Variants in HGF observed in about 807,000 individuals in gnomAD.
HGF encodes hepatocyte growth factor.
A neutral mutation model predicts 111.6 loss-of-function variants in HGF; 39 were observed. That is an observed-to-expected ratio of 0.35 (90% CI 0.27 to 0.46). The LOEUF is 0.46. Ranked by LOEUF, HGF falls within the 20% of genes least tolerant of loss-of-function variation. The probability of loss-of-function intolerance (pLI) is 1.00; values close to 1 mark genes in which losing one functional copy is unlikely to be tolerated. For synonymous variants in HGF, 285 were observed against 294.8 expected (o/e 0.97, Z 0.34); for missense variants, 735 against 910.5 (o/e 0.81, Z 2.48).
At chr7:81,733,253 C>A (rs989811563) in intron 7 of HGF, among the ~76,000 whole-genome samples, 3 of 151,512 alleles carry the variant, frequency 2.0e-5, no homozygotes, top group Non-Finnish European at 4.4e-5. Flanking sequence ...GAAAATAAAA[C>A]CTTTTCAAAT....
At chr7:81,741,487 G>T (rs1016236999) in intron 7 of HGF, among the ~76,000 whole-genome samples, 1 of 151,746 alleles carries the variant, frequency 6.6e-6, no homozygotes, top group Non-Finnish European at 1.5e-5. Flanking sequence ...CTAAAGATTG[G>T]TTTGGAACTG....
At chr7:81,720,951 A>C in intron 9 of HGF, 104 bp from the exon 10 acceptor site, 1 of 724,660 alleles carries the variant, frequency 1.4e-6, no homozygotes, top group South Asian at 1.5e-5. Context: ...ATAAAAATTA[A>C]AGTACTTGAA....
intron 1 of HGF, among the ~76,000 whole-genome samples, chr7:81,764,687 G>A (rs1003214884): frequency 2.0e-5 from 3 of 151,850 alleles, no homozygotes; most frequent in Non-Finnish European, 1.5e-5. Flanking sequence ...TTATAAATAC[G>A]CAAAGTTTTA....
intron 1 of HGF, among the ~76,000 whole-genome samples, chr7:81,764,980 G>T (rs1789287306): frequency 6.6e-6 from 1 of 151,822 alleles, no homozygotes; most frequent in African/African-American, 2.4e-5. Flanking sequence ...AAAAATCTAT[G>T]AAACAACTAT....
At chr7:81,744,894 C>A in intron 6 of HGF, 106 bp downstream of exon 6, 1 of 1,230,566 alleles carries the variant, frequency 8.1e-7, no homozygotes, top group Non-Finnish European at 1.2e-6. Context: ...ATGTTCATGT[C>A]CTATCGGGAA....
chr7:81,752,340 T>G lies in HGF; in HGVS notation c.483-78A>C, dbSNP rs979691. 3,662 of 1,193,894 alleles carry G rather than the reference T, an allele frequency of 3.1e-3. 50 individuals carry two copies. Among genetic ancestry groups the G allele is most frequent in the South Asian group, 0.023 (1,891 of 81,228 alleles). The allele number at this position is 1,193,894 out of a possible 1,614,324, so 74.0% of individuals were successfully genotyped here. ...CCTATTAATTTTACTAATTAGTGGG[T>G]ATGTTTTTGCTGAAGGTAGAAAAAT... is the stretch of plus-strand genomic sequence containing the variant. On this transcript the variant is annotated intron_variant, in intron 4 of 17. Transcript: ENST00000222390.
At chr7:81,762,595 A>T in intron 2 of HGF, 112 bp downstream of exon 2, 1 of 880,368 alleles carries the variant, frequency 1.1e-6, no homozygotes. Context: ...CTAGAGTCAA[A>T]CTTACAATTT....
intron 9 of HGF, among the ~76,000 whole-genome samples, chr7:81,725,114 G>A (rs1789971190): frequency 6.6e-6 from 1 of 152,188 alleles, no homozygotes; most frequent in South Asian, 2.1e-4. Context: ...CCGAAATGCA[G>A]CCAGAGTGAT....
At chr7:81,762,452 C>T (rs991505248) in intron 2 of HGF, among the ~76,000 whole-genome samples, 1 of 152,104 alleles carries the variant, frequency 6.6e-6, no homozygotes, top group East Asian at 1.9e-4. Flanking sequence ...TTCAATTGCT[C>T]ATCAGATGAG....
chr7:81,706,743 G>A (rs933716401), intron 14 of HGF, among the ~76,000 whole-genome samples: 18 of 151,926 alleles, frequency 1.2e-4, no homozygotes, highest in African/African-American at 4.3e-4. Context: ...TGCAAATTTT[G>A]CTTTGTTTAT....
intron 7 of HGF, among the ~76,000 whole-genome samples, chr7:81,733,844 T>C (rs1322402120): frequency 6.6e-6 from 1 of 152,140 alleles, no homozygotes; most frequent in African/African-American, 2.4e-5. Context: ...ACATACTTAC[T>C]ATTCAAACAA....
intron 7 of HGF, among the ~76,000 whole-genome samples, chr7:81,732,372 T>A (rs1010473331): frequency 1.3e-5 from 2 of 152,186 alleles, no homozygotes; most frequent in African/African-American, 4.8e-5. Flanking sequence ...TTTCCTCTAC[T>A]ATGTGAAGGT....
At chr7:81,733,438 C>G (rs17155414) in intron 7 of HGF, among the ~76,000 whole-genome samples, 1 of 151,730 alleles carries the variant, frequency 6.6e-6, no homozygotes, top group Non-Finnish European at 1.5e-5. Flanking sequence ...GTGTATAACT[C>G]TAACAACTTA....
At chr7:81,752,483 G>T (rs567824398) in intron 4 of HGF, among the ~76,000 whole-genome samples, 1 of 152,040 alleles carries the variant, frequency 6.6e-6, no homozygotes, top group African/African-American at 2.4e-5. Context: ...TCACCATCAA[G>T]TTAGAAAGAT....
At chr7:81,705,613 T>C in intron 16 of HGF, 34 bp downstream of exon 16, 1 of 1,594,972 alleles carries the variant, frequency 6.3e-7, no homozygotes, top group South Asian at 1.1e-5. Context: ...TAAAATAAAA[T>C]AAATATGGCC....
In HGF at chr7:81,763,026, A is replaced by T. The variant is rs1307954443; in HGVS notation, c.89-154T>A. ...GGTTAGGAGCAGAGTGAGGTAGGGA[A>T]TAGTTAAGAGAAAGAGAGGAATATT... On this transcript the variant is annotated intron_variant, in intron 1 of 17. Coordinates refer to ENST00000222390, the MANE Select transcript of HGF (RefSeq NM_000601.6). 4.9e-6 allele frequency: 3 copies of T among 611,804 alleles called. No homozygotes were observed. In the East Asian group the frequency reaches 8.3e-5, roughly 17 times the overall value. The allele number at this position is 611,804 out of a possible 1,614,324, so 37.9% of individuals were successfully genotyped here. A position where few individuals can be genotyped will look rare whatever the true frequency, so the allele number is the denominator to read the frequency against.
rs556838799 is a variant in HGF, at chr7:81,738,325, G to A, written c.865+5028C>T. 8.1e-4 allele frequency among the ~76,000 whole-genome samples: 123 copies of A among 152,176 alleles called. 2 individuals are homozygous for A. The highest frequency in any genetic ancestry group is 6.8e-3 in the Middle Eastern group (2 of 294). On this transcript the variant is annotated intron_variant, in intron 7 of 17. Transcript: ENST00000222390. Reference sequence around the variant, plus strand: ...AACCAACTGTTATTCAGAATATGAAGTTATAATCAGAGAAAAACATAAAAA... The same window carrying A: ...AACCAACTGTTATTCAGAATATGAAATTATAATCAGAGAAAAACATAAAAA...
chr7:81,716,890 C>T (rs1175726540), intron 11 of HGF, among the ~76,000 whole-genome samples: 1 of 151,976 alleles, frequency 6.6e-6, no homozygotes, highest in Non-Finnish European at 1.5e-5. Flanking sequence ...AGAAGCTGAA[C>T]AGGTAGTATT....
At chr7:81,745,832 G>A (rs548094857) in intron 5 of HGF, among the ~76,000 whole-genome samples, 1 of 152,266 alleles carries the variant, frequency 6.6e-6, no homozygotes, top group East Asian at 1.9e-4. Context: ...TCTTACTGAT[G>A]ATTTTGTGAG....
Sources: gnomAD v4.1 joint callset for allele counts (sites outside exome capture counted in the v4.1 genomes callset) on GRCh38, gnomAD v4.1.1 for gene constraint, MANE v1.5 for transcripts, NCBI Gene and HGNC (gene_info 2026-07-23, HGNC 2026-07-21) for gene names.